The following MAX variants were observed in gnomAD, a reference collection of about 807,000 sequenced individuals.
The protein encoded by MAX is MYC associated transcriptional regulator X, also known as protein max.
MAX carries 3 observed loss-of-function variants against 22.3 expected under a neutral mutation model. That is an observed-to-expected ratio of 0.13 (90% CI 0.06 to 0.35). MAX has a LOEUF of 0.35. Among genes scored for constraint, MAX ranks in the 10% least tolerant of loss-of-function variants. The pLI is 1.00. For missense variants in MAX, 119 were observed against 209.4 expected (o/e 0.57, Z 2.66); for synonymous variants, 72 against 77.7 (o/e 0.93, Z 0.39).
At position 65,076,374 on chromosome 14, in the gene MAX, T is replaced by G; in HGVS notation, c.*102A>C. On this transcript the variant is annotated 3_prime_UTR_variant, in exon 5 of 5. Transcript: ENST00000358664. The surrounding 1 kb of genome is among the most constrained non-coding windows in gnomAD (Gnocchi z 6.6). ...AAAAAAAAAGGGAGAAAGAGAAAAATAAAGAGTCTCTTAAATGGTTCTGAG... is the reference window on the plus strand; with the variant it reads ...AAAAAAAAAGGGAGAAAGAGAAAAAGAAAGAGTCTCTTAAATGGTTCTGAG... The G allele has an allele frequency of 1.3e-6, 2 of 1,569,864 alleles. No individual in the cohort carries two copies. Among genetic ancestry groups the G allele is most frequent in the Non-Finnish European group, 1.7e-6 (2 of 1,159,310 alleles).
In MAX at chr14:65,077,562, C is replaced by CA; in HGVS notation, c.295+350dup. ...GAACACCTGGAGTCTCTGGTACTTA[C>CA]ACAGCACATTCCACTCCAAGGACCT... is the stretch of plus-strand genomic sequence containing the variant. On this transcript the variant is annotated intron_variant, in intron 4 of 4. Transcript: ENST00000358664. The surrounding 1 kb of genome is among the most constrained non-coding windows in gnomAD (Gnocchi z 6.3). The CA allele has an allele frequency of 1.1e-6, 1 of 921,550 alleles. No individual in the cohort carries two copies. The highest frequency in any genetic ancestry group is 1.8e-6 in the Non-Finnish European group (1 of 555,026). 57.1% of individuals were successfully genotyped at this position (921,550 alleles called of 1,614,324 possible). A position where few individuals can be genotyped will look rare whatever the true frequency, so the allele number is the denominator to read the frequency against.
chr14:65,049,256 G>T (rs1421835471), intron 3 of MAX, among the ~76,000 whole-genome samples: 1 of 152,152 alleles, frequency 6.6e-6, no homozygotes, highest in African/African-American at 2.4e-5. Flanking sequence ...GTAGTTACTG[G>T]TTTCTTATAT....
At chr14:65,100,633 T>C (rs780987827) in intron 2 of MAX, among the ~76,000 whole-genome samples, 12 of 152,256 alleles carry the variant, frequency 7.9e-5, no homozygotes, top group Non-Finnish European at 1.3e-4. Flanking sequence ...TTTGAACTTT[T>C]TACCCCCATT....
At chr14:65,092,364 C>T (rs2063532901) in intron 3 of MAX, among the ~76,000 whole-genome samples, 1 of 152,122 alleles carries the variant, frequency 6.6e-6, no homozygotes, top group Non-Finnish European at 1.5e-5. Context: ...ATATAGTTTA[C>T]CAAAGCAATT....
chr14:65,067,599 T>C (rs996258158), intron 3 of MAX, among the ~76,000 whole-genome samples: 8 of 152,036 alleles, frequency 5.3e-5, no homozygotes, highest in African/African-American at 1.9e-4. Context: ...TTGTTTGATG[T>C]TATCCTTATG....
Position 65,021,749 on chromosome 14 carries a change from G to A in MAX, c.172-15465C>T, listed in dbSNP as rs148588763. Among the ~76,000 whole-genome samples the A allele has an allele frequency of 6.6e-3, 1,005 of 152,264 alleles. 11 individuals are homozygous for A. Among genetic ancestry groups the A allele is most frequent in the African/African-American group, 0.022 (923 of 41,554 alleles). On this transcript the variant is annotated intron_variant, in intron 3 of 3. Coordinates refer to the MAX transcript ENST00000341653. Reference sequence around the variant, plus strand: ...CAACTTCCACCTTCCGGGTTCAAGCGATTCTCGTGCTTCAGCCTCCCAAGC... The same window carrying A: ...CAACTTCCACCTTCCGGGTTCAAGCAATTCTCGTGCTTCAGCCTCCCAAGC...
intron 2 of MAX, among the ~76,000 whole-genome samples, chr14:65,096,046 T>A (rs778826046): frequency 6.6e-6 from 1 of 152,180 alleles, no homozygotes; most frequent in African/African-American, 2.4e-5. Flanking sequence ...TGAACTTGGC[T>A]GTAGATCATG....
chr14:65,064,939 T>C (rs747159872), intron 3 of MAX, among the ~76,000 whole-genome samples: 8 of 152,266 alleles, frequency 5.3e-5, no homozygotes, highest in Middle Eastern at 3.2e-3. Context: ...GATGCCCTCC[T>C]ACCTCCAGGC....
intron 3 of MAX, among the ~76,000 whole-genome samples, chr14:65,042,652 T>C (rs2062378269): frequency 6.6e-6 from 1 of 152,186 alleles, no homozygotes; most frequent in African/African-American, 2.4e-5. Context: ...CTCCCTTCCA[T>C]TTGCTTTGGG....
At chr14:65,021,972 A>AT in intron 3 of MAX, 1 of 455,976 alleles carries the variant, frequency 2.2e-6, no homozygotes, top group Non-Finnish European at 4.4e-6. Flanking sequence ...CGACCTGACC[A>AT]TTCTTCCAGA....
Position 65,076,533 on chromosome 14 carries a change from C to T in MAX, c.426G>A (p.Ser142=), listed in dbSNP as rs145787299. The change falls in exon 5 of 5, where the codon TCG becomes TCA. Residue 142 remains serine (S), a synonymous_variant. Coordinates refer to ENST00000358664, the MANE Select transcript of MAX (RefSeq NM_002382.5). This position sits in a 1 kb window ranked among gnomAD's most constrained non-coding sequence, Gnocchi z 6.6. ...TTTGGGGCTCTTCAGGCTCAGACTCCGAGCTGGAGTCCGAGCCCCCATCGA... is the reference window on the plus strand; with the variant it reads ...TTTGGGGCTCTTCAGGCTCAGACTCTGAGCTGGAGTCCGAGCCCCCATCGA... ...SAFDGGSDSS[S]ESEPEEPQSR... The T allele has an allele frequency of 3.0e-5, 49 of 1,613,906 alleles. No homozygotes were observed. In the African/African-American group the frequency reaches 3.2e-4, roughly 11 times the overall value.
chr14:65,102,062 A>G (rs959995677), intron 1 of MAX, among the ~76,000 whole-genome samples: 2 of 152,132 alleles, frequency 1.3e-5, no homozygotes, highest in Non-Finnish European at 2.9e-5. Flanking sequence ...CCCTCCCGCA[A>G]GGGAGGAGGT....
chr14:65,051,305 T>C lies in MAX; in HGVS notation c.171+42403A>G, dbSNP rs531216168. ...AGAAATTTAATAAATTCTTATTGTC[T>C]GTTTGAAATATTCAACAATTTAGGC... On this transcript the variant is annotated intron_variant, in intron 3 of 3. Coordinates refer to the MAX transcript ENST00000341653. 2.0e-5 allele frequency among the ~76,000 whole-genome samples: 3 copies of C among 152,350 alleles called. No homozygotes were observed. In the East Asian group the frequency reaches 5.8e-4, roughly 29 times the overall value.
At chr14:65,018,722 ATTGC>A (rs1410438635) in intron 3 of MAX, among the ~76,000 whole-genome samples, 4 of 149,384 alleles carry the variant, frequency 2.7e-5, no homozygotes, top group Middle Eastern at 3.5e-3. Flanking sequence ...AGGCAGGAGA[ATTGC>A]TTGAATCTGG....
rs746638580 is a variant in MAX at position 65,084,301 on chromosome 14, T to A, written c.172-6265A>T. 1 of 1,492,452 alleles carries A rather than the reference T, an allele frequency of 6.7e-7. No individual in the cohort carries two copies. The highest frequency in any genetic ancestry group is 9.4e-7 in the Non-Finnish European group (1 of 1,069,318). 92.5% of individuals were successfully genotyped at this position (1,492,452 alleles called of 1,614,324 possible). ...CAATTTCCAAAAGAGGAAATAGAGC[T>A]AGTAAATAAACATGTGGAAAAGCAA... is the stretch of plus-strand genomic sequence containing the variant. On this transcript the variant is annotated intron_variant, in intron 3 of 4. Coordinates refer to ENST00000358664, the MANE Select transcript of MAX (RefSeq NM_002382.5). The surrounding 1 kb of genome is among the most constrained non-coding windows in gnomAD (Gnocchi z 4.3).
Position 65,012,148 on chromosome 14 carries a change from C to G in MAX, c.172-5864G>C. 1.5e-6 allele frequency: 1 copy of G among 682,862 alleles called. No individual in the cohort carries two copies. Among genetic ancestry groups the G allele is most frequent in the East Asian group, 2.9e-5 (1 of 34,766 alleles). The allele number at this position is 682,862 out of a possible 1,614,324, so 42.3% of individuals were successfully genotyped here. A position where few individuals can be genotyped will look rare whatever the true frequency, so the allele number is the denominator to read the frequency against. ...ACATTCAGACAAGAGCTTCTTTTCT[C>G]TGGTTTAGTTGCTCTTTGGAACCAG... On this transcript the variant is annotated intron_variant, in intron 3 of 3. Transcript: ENST00000341653. This position sits in a 1 kb window ranked among gnomAD's most constrained non-coding sequence, Gnocchi z 5.0.
Position 65,047,841 on chromosome 14 carries a change from G to A in MAX, c.172-41557C>T, listed in dbSNP as rs1042501164. Among the ~76,000 whole-genome samples the A allele has an allele frequency of 6.6e-5, 10 of 152,164 alleles. No homozygotes were observed. The highest frequency in any genetic ancestry group is 2.2e-4 in the African/African-American group (9 of 41,420). The stretch of plus-strand genomic sequence containing the variant: ...ATACAACATGAAGTGTAAGGGGGCG[G>A]GGCCTGGAGCAGTGCCTGGGCACAC... On this transcript the variant is annotated intron_variant, in intron 3 of 3. Transcript: ENST00000341653. The surrounding 1 kb of genome is among the most constrained non-coding windows in gnomAD (Gnocchi z 5.2).
Position 65,028,778 on chromosome 14 carries a change from A to ACT in MAX, c.172-22495_172-22494insAG, listed in dbSNP as rs2062028344. Among the ~76,000 whole-genome samples the ACT allele has an allele frequency of 6.6e-6, 1 of 152,226 alleles. No homozygotes were observed. The highest frequency in any genetic ancestry group is 6.5e-5 in the Admixed American group (1 of 15,282). On this transcript the variant is annotated intron_variant, in intron 3 of 3. Transcript: ENST00000341653. This position sits in a 1 kb window ranked among gnomAD's most constrained non-coding sequence, Gnocchi z 4.4. ...AGTAGAACGACTGAGGTAAATCAGT[A>ACT]TGTGTTGATTCTTCTTAAGGAAAAT...
chr14:65,098,524 C>T (rs2063732258), intron 2 of MAX, among the ~76,000 whole-genome samples: 2 of 152,184 alleles, frequency 1.3e-5, no homozygotes, highest in Non-Finnish European at 1.5e-5. Context: ...CTGACCAACA[C>T]ACTAACCCAT....
Sources: allele counts gnomAD v4.1 joint callset (sites outside exome capture counted in the v4.1 genomes callset), GRCh38; gene constraint gnomAD v4.1.1; non-coding constraint Gnocchi (gnomAD v3.1); transcripts MANE v1.5; gene names NCBI Gene and HGNC (gene_info 2026-07-23, HGNC 2026-07-21).